SDK1: variants seen among roughly 807,000 people sequenced by gnomAD.
SDK1 encodes the protein sidekick cell adhesion molecule 1.
In SDK1, 157 loss-of-function variants were observed where a neutral mutation model predicts 245.5. That is an observed-to-expected ratio of 0.64 (90% CI 0.56 to 0.73). SDK1 has a LOEUF of 0.73. Ranked by LOEUF, SDK1 falls within the 30% of genes least tolerant of loss-of-function variation. The pLI is 0.00. For synonymous variants in SDK1, 1,647 were observed against 1,278.5 expected (o/e 1.29, Z -6.15); for missense variants, 3,583 against 3,002.3 (o/e 1.19, Z -4.52).
intron 28 of SDK1, among the ~76,000 whole-genome samples, chr7:4,143,213 C>A (rs754395459): frequency 6.6e-6 from 1 of 152,132 alleles, no homozygotes; most frequent in Non-Finnish European, 1.5e-5. Flanking sequence ...TAAGGCACCA[C>A]GCCCATATCA....
intron 1 of SDK1, among the ~76,000 whole-genome samples, chr7:3,395,601 C>T (rs1781876813): frequency 6.6e-6 from 1 of 151,756 alleles, no homozygotes; most frequent in Non-Finnish European, 1.5e-5. Context: ...GATGAAATTC[C>T]CCAGTGAAGG....
At chr7:4,077,515 A>G (rs1780770318) in intron 21 of SDK1, among the ~76,000 whole-genome samples, 1 of 152,186 alleles carries the variant, frequency 6.6e-6, no homozygotes, top group Non-Finnish European at 1.5e-5. Flanking sequence ...AGTAGCGATG[A>G]TTGTATTAGT....
intron 5 of SDK1, among the ~76,000 whole-genome samples, chr7:3,878,042 G>T (rs1001180715): frequency 6.6e-6 from 1 of 152,204 alleles, no homozygotes; most frequent in African/African-American, 2.4e-5. Context: ...TGGAAAGGCT[G>T]TTCTAAGTTG....
intron 1 of SDK1, among the ~76,000 whole-genome samples, chr7:3,334,312 C>T (rs1780144249): frequency 1.3e-5 from 2 of 152,198 alleles, no homozygotes; most frequent in Non-Finnish European, 2.9e-5. Flanking sequence ...ATGAAAGCAG[C>T]AGTTCTCATT....
In SDK1 at chr7:4,012,121, G is replaced by T; in HGVS notation, c.2306G>T (p.Ser769Ile). The T allele has an allele frequency of 6.4e-7, 1 of 1,573,062 alleles. No homozygotes were observed. Among genetic ancestry groups the T allele is most frequent in the African/African-American group, 1.4e-5 (1 of 72,852 alleles). ...SRLMLPEEPPSAPPKNIVASG... is the reference protein window; with the variant it reads ...SRLMLPEEPPIAPPKNIVASG... ...TTGATGCTACCTGAAGAACCACCCA[G>T]TGCTCCCCCGAAAAATATAGTGGCC... The change falls in exon 16 of 45, where the codon AGT becomes ATT. Residue 769 changes from serine to isoleucine, a missense_variant. Ser to Ile is a moderately radical substitution (Grantham distance 142). Coordinates refer to ENST00000404826, the MANE Select transcript of SDK1 (RefSeq NM_152744.4).
intron 1 of SDK1, among the ~76,000 whole-genome samples, chr7:3,322,321 C>A (rs1012350981): frequency 6.6e-6 from 1 of 152,170 alleles, no homozygotes; most frequent in African/African-American, 2.4e-5. Flanking sequence ...TACATCATAT[C>A]TTTTTATGAC....
At position 3,976,066 on chromosome 7, in the gene SDK1, G is replaced by A. The variant is rs1358744599; in HGVS notation, c.1994+1521G>A. ...CGGGGCTGAGGCTGCCACGTAGAGG[G>A]TCCTCCAGAGAATCACTGAGGGTCC... On this transcript the variant is annotated intron_variant, in intron 13 of 44. Transcript: ENST00000404826. 3.0e-3 allele frequency among the ~76,000 whole-genome samples: 3 copies of A among 1,010 alleles called. 1 individual carries two copies. The highest frequency in any genetic ancestry group is 0.013 in the African/African-American group (3 of 226). 0.7% of individuals were successfully genotyped at this position (1,010 alleles called of 152,430 possible).
At chr7:4,169,987 T>A (rs180917546) in intron 32 of SDK1, among the ~76,000 whole-genome samples, 23 of 152,350 alleles carry the variant, frequency 1.5e-4, no homozygotes, top group African/African-American at 5.3e-4. Flanking sequence ...CTCTGTCTCC[T>A]CTTTCTGAAA....
rs191838488 is a variant in SDK1, at chr7:4,074,992, C to T, written c.3011-2006C>T. On this transcript the variant is annotated intron_variant, in intron 20 of 44. Transcript: ENST00000404826. ...TGAGTGGTTGGCCTGGGTAGTCGGC[C>T]TTCTCCCCTCTCCCTGGGAGGAGGA... 2.5e-3 allele frequency among the ~76,000 whole-genome samples: 367 copies of T among 148,558 alleles called. 1 individual carries two copies. Among genetic ancestry groups the T allele is most frequent in the African/African-American group, 8.5e-3 (339 of 39,878 alleles).
rs925350963 is a variant in SDK1, at chr7:3,694,391, C to T, written c.713+52286C>T. Among the ~76,000 whole-genome samples, 3 of 152,156 alleles carry T rather than the reference C, an allele frequency of 2.0e-5. No individual in the cohort carries two copies. The East Asian group carries it at 5.8e-4, about 29-fold the overall frequency. On this transcript the variant is annotated intron_variant, in intron 4 of 44. Transcript: ENST00000404826. ...AACACCCTCCTCTCATAGACACTCA[C>T]AGTTAGATTGAATCAGAGGGTGGCC...
intron 1 of SDK1, among the ~76,000 whole-genome samples, chr7:3,398,819 T>A (rs1156603432): frequency 7.0e-6 from 1 of 143,314 alleles, no homozygotes; most frequent in Non-Finnish European, 1.5e-5. Flanking sequence ...CTCCAGCAAA[T>A]AGTGAGTTAC....
At chr7:3,415,069 C>A (rs1779323360) in intron 1 of SDK1, among the ~76,000 whole-genome samples, 1 of 152,044 alleles carries the variant, frequency 6.6e-6, no homozygotes, top group Non-Finnish European at 1.5e-5. Context: ...CATTTTCTTT[C>A]TTTTGGTTAT....
intron 1 of SDK1, among the ~76,000 whole-genome samples, chr7:3,569,752 G>C (rs1198050629): frequency 6.6e-6 from 1 of 152,160 alleles, no homozygotes; most frequent in African/African-American, 2.4e-5. Flanking sequence ...ATCTTACTTT[G>C]TTTGAATATT....
intron 4 of SDK1, among the ~76,000 whole-genome samples, chr7:3,721,175 TC>T (rs1785357324): frequency 6.6e-6 from 1 of 152,154 alleles, no homozygotes; most frequent in Admixed American, 6.5e-5. Context: ...ATGGAACTGT[TC>T]CCTCTCTTGG....
intron 1 of SDK1, among the ~76,000 whole-genome samples, chr7:3,413,869 C>G (rs1011502171): frequency 6.6e-6 from 1 of 152,028 alleles, no homozygotes; most frequent in Admixed American, 6.6e-5. Flanking sequence ...GTTTGTGGTC[C>G]CAGCTACTTG....
intron 1 of SDK1, among the ~76,000 whole-genome samples, chr7:3,429,707 C>G (rs1779777905): frequency 6.6e-6 from 1 of 151,918 alleles, no homozygotes; most frequent in Non-Finnish European, 1.5e-5. Flanking sequence ...AGCAATCCTC[C>G]CGCCTCAGCC....
At chr7:4,234,697 C>A (rs1786036141) in intron 41 of SDK1, among the ~76,000 whole-genome samples, 1 of 152,154 alleles carries the variant, frequency 6.6e-6, no homozygotes, top group Admixed American at 6.5e-5. Context: ...CCTCGCTGGC[C>A]CCTCACCCCA....
intron 5 of SDK1, among the ~76,000 whole-genome samples, chr7:3,853,861 C>A (rs940956966): frequency 1.3e-5 from 2 of 152,024 alleles, no homozygotes; most frequent in African/African-American, 4.8e-5. Context: ...TGGTGGCGCA[C>A]CCCTGTAGTC....
At chr7:3,585,898 T>G (rs1780672107) in intron 1 of SDK1, among the ~76,000 whole-genome samples, 1 of 152,224 alleles carries the variant, frequency 6.6e-6, no homozygotes, top group Non-Finnish European at 1.5e-5. Context: ...GAAGTAAGAC[T>G]GACATCTCAG....
Sources: gnomAD v4.1 joint callset for allele counts (sites outside exome capture counted in the v4.1 genomes callset) on GRCh38, gnomAD v4.1.1 for gene constraint, MANE v1.5 for transcripts, NCBI Gene and HGNC (gene_info 2026-07-23, HGNC 2026-07-21) for gene names.